Variants in ZNF468 observed in about 807,000 individuals in gnomAD.
ZNF468 encodes the protein zinc finger protein 468.
In ZNF468, 8 loss-of-function variants were observed where a neutral mutation model predicts 7.2. The ratio of observed to expected loss-of-function variants is 1.11; its 90% CI spans 0.65 to 2.01. The LOEUF is 2.01. Ranked by LOEUF, ZNF468 falls within the 30% of genes most tolerant of loss-of-function variation. The pLI is 0.00. For missense variants in ZNF468, 608 were observed against 626.5 expected, an observed-to-expected ratio of 0.97 and a Z score of 0.31; for synonymous variants, 218 against 214.4, an observed-to-expected ratio of 1.02 and a Z score of -0.15.
intron 1 of ZNF468, among the ~76,000 whole-genome samples, chr19:52,856,627 C>CT (rs1490167662): frequency 7.3e-6 from 1 of 137,574 alleles, no homozygotes; most frequent in Non-Finnish European, 1.6e-5. Flanking sequence ...CTGTCTGACC[C>CT]GGCTCCACAT....
intron 3 of ZNF468, among the ~76,000 whole-genome samples, chr19:52,848,202 T>C (rs1284863221): frequency 7.2e-5 from 11 of 152,170 alleles, no homozygotes; most frequent in Non-Finnish European, 1.0e-4. Context: ...TTCCCACCCA[T>C]CTGGATTTTT....
intron 3 of ZNF468, among the ~76,000 whole-genome samples, chr19:52,847,091 A>G (rs1287966575): frequency 2.0e-5 from 3 of 152,118 alleles, no homozygotes; most frequent in African/African-American, 7.2e-5. Context: ...TACTGTGTCT[A>G]TGTAGAAAAG....
chr19:52,853,479 A>G (rs1237981641), intron 2 of ZNF468, among the ~76,000 whole-genome samples: 3 of 152,150 alleles, frequency 2.0e-5, no homozygotes, highest in Admixed American at 2.0e-4. Context: ...ACCTGAGGTT[A>G]GGAGGTTGAG....
rs1293710051 is a variant in ZNF468 at position 52,849,155 on chromosome 19, A to C, written c.74T>G (p.Leu25Arg). ...GTATAAAGTCCTCTGAGCAGGGTCCAGGCATTTCCACTCCTCCTGAGAGAA... is the reference window on the plus strand; with the variant it reads ...GTATAAAGTCCTCTGAGCAGGGTCCCGGCATTTCCACTCCTCCTGAGAGAA... ...IEFSQEEWKC[L>R]DPAQRTLYRD... Residue 25 changes from leucine (L) to arginine (R), a missense_variant, in exon 3 of 4, where the codon CTG (leucine) becomes CGG (arginine). By Grantham distance (102) the Leu-to-Arg change is moderately radical (BLOSUM62 -2). Coordinates refer to ENST00000595646, the MANE Select transcript of ZNF468 (RefSeq NM_001008801.2). 6.2e-7 allele frequency: 1 copy of C among 1,614,016 alleles called. No individual in the cohort carries two copies. Among genetic ancestry groups the C allele is most frequent in the South Asian group, 1.1e-5 (1 of 91,068 alleles).
chr19:52,857,385 C>T (rs1472473865), intron 1 of ZNF468, among the ~76,000 whole-genome samples, 187 bp downstream of exon 1: 4 of 152,228 alleles, frequency 2.6e-5, no homozygotes, highest in African/African-American at 9.6e-5. Context: ...CGGGACGGGA[C>T]CAGCCTCAGG....
At position 52,841,721 on chromosome 19, in the gene ZNF468, C is replaced by T. The variant is rs746843924; in HGVS notation, c.573G>A (p.Lys191=). Residue 191 remains lysine (K), a synonymous_variant, in exon 4 of 4, where the codon AAG becomes AAA. Coordinates refer to ENST00000595646, the MANE Select transcript of ZNF468 (RefSeq NM_001008801.2). ...AAGAATGGAGGGAATTATTTCCATA[C>T]TTATTAGAAATATGGGTTTTGGGCC... is the stretch of plus-strand genomic sequence containing the variant. ...CCRPKTHISN[K]YGNNSLHSSL... 6 of 1,613,910 alleles carry T rather than the reference C, an allele frequency of 3.7e-6. No individual in the cohort carries two copies. In the Admixed American group the frequency reaches 6.7e-5, roughly 18 times the overall value.
chr19:52,853,053 C>T (rs1056308574), intron 2 of ZNF468, among the ~76,000 whole-genome samples: 1 of 151,944 alleles, frequency 6.6e-6, no homozygotes, highest in African/African-American at 2.4e-5. Context: ...GACAGGGTTT[C>T]ACCATGTTAG....
chr19:52,843,941 G>A (rs903367765), intron 3 of ZNF468, among the ~76,000 whole-genome samples: 3 of 151,996 alleles, frequency 2.0e-5, no homozygotes, highest in South Asian at 4.1e-4. Flanking sequence ...ACAACATGGC[G>A]ACACACCATC....
At chr19:52,853,946 TG>T in intron 2 of ZNF468, 1 of 1,398,962 alleles carries the variant, frequency 7.1e-7, no homozygotes, top group Non-Finnish European at 9.3e-7. Context: ...GAGCTGACAG[TG>T]CATCCAGATG....
intron 2 of ZNF468, among the ~76,000 whole-genome samples, chr19:52,853,653 T>C (rs1474295416): frequency 6.6e-6 from 1 of 151,960 alleles, no homozygotes; most frequent in Non-Finnish European, 1.5e-5. Context: ...ATCGCGCCAT[T>C]GCACTCCAGC....
Position 52,840,996 on chromosome 19 carries a change from T to C in ZNF468, c.1298A>G (p.His433Arg). Reference sequence around the variant, plus strand: ...ACATTTGTATGGTTTCTCTCCAGTATGAATCCTCCTGTGTCTTTCCAGGTT... The same window carrying C: ...ACATTTGTATGGTTTCTCTCCAGTACGAATCCTCCTGTGTCTTTCCAGGTT... ...KSNLERHRRI[H>R]TGEKPYKCKV... Residue 433 changes from histidine (H) to arginine (R), a missense_variant, in exon 4 of 4, where the codon CAT (histidine) becomes CGT (arginine). Coordinates refer to ENST00000595646, the MANE Select transcript of ZNF468 (RefSeq NM_001008801.2). 1 of 1,614,046 alleles carries C rather than the reference T, an allele frequency of 6.2e-7. No homozygotes were observed. The highest frequency in any genetic ancestry group is 8.5e-7 in the Non-Finnish European group (1 of 1,179,956).
chr19:52,856,769 ATCTTT>A, intron 1 of ZNF468, among the ~76,000 whole-genome samples: 1 of 150,712 alleles, frequency 6.6e-6, no homozygotes, highest in Admixed American at 6.6e-5. Flanking sequence ...CTGCTTTCTT[ATCTTT>A]TATCACTTTT....
intron 2 of ZNF468, 190 bp from the exon 3 acceptor site, chr19:52,849,403 G>A: frequency 1.8e-6 from 2 of 1,124,588 alleles, no homozygotes; most frequent in East Asian, 2.7e-5. Flanking sequence ...GTATTATCAA[G>A]ACATACTCTC....
At chr19:52,854,092 T>C in intron 2 of ZNF468, 166 bp downstream of exon 2, 1 of 1,537,886 alleles carries the variant, frequency 6.5e-7, no homozygotes, top group South Asian at 1.2e-5. Flanking sequence ...TGACACTGGG[T>C]CACGAGAGAC....
At chr19:52,852,226 C>A (rs1356150853) in intron 2 of ZNF468, among the ~76,000 whole-genome samples, 3 of 151,904 alleles carry the variant, frequency 2.0e-5, no homozygotes, top group Admixed American at 2.0e-4. Flanking sequence ...ATTAGCCAGG[C>A]ATGGTGGCTG....
chr19:52,847,971 T>G (rs548866171), intron 3 of ZNF468, among the ~76,000 whole-genome samples: 3 of 152,338 alleles, frequency 2.0e-5, no homozygotes, highest in East Asian at 1.9e-4. Context: ...TCTCTGTGTC[T>G]TATTTCTTTT....
intron 3 of ZNF468, among the ~76,000 whole-genome samples, chr19:52,848,116 T>C (rs2063355290): frequency 6.6e-6 from 1 of 152,220 alleles, no homozygotes; most frequent in South Asian, 2.1e-4. Flanking sequence ...TTGCAGAGTT[T>C]CCTCACACAC....
At position 52,839,717 on chromosome 19, in the gene ZNF468, T is replaced by C. The variant is rs2063278304; in HGVS notation, c.*1008A>G. Reference sequence around the variant, plus strand: ...CATCACACTTGTGAGGTTTCTCTCCTGTATGAATCCTCCTATGTTTTGCAT... The same window carrying C: ...CATCACACTTGTGAGGTTTCTCTCCCGTATGAATCCTCCTATGTTTTGCAT... On this transcript the variant is annotated 3_prime_UTR_variant, in exon 4 of 4. Transcript: ENST00000595646. The C allele has an allele frequency of 1.9e-6, 1 of 528,808 alleles. No homozygotes were observed. Among genetic ancestry groups the C allele is most frequent in the Admixed American group, 2.1e-5 (1 of 47,538 alleles). The allele number at this position is 528,808 out of a possible 1,614,324, so 32.8% of individuals were successfully genotyped here.
intron 2 of ZNF468, among the ~76,000 whole-genome samples, chr19:52,850,238 G>A (rs948004852): frequency 7.9e-5 from 12 of 152,092 alleles, no homozygotes; most frequent in African/African-American, 2.9e-4. Flanking sequence ...GTTGTGGGCA[G>A]GGGGAATCTT....
Sources: gnomAD v4.1 joint callset for allele counts (sites outside exome capture counted in the v4.1 genomes callset) on GRCh38, gnomAD v4.1.1 for gene constraint, MANE v1.5 for transcripts, NCBI Gene and HGNC (gene_info 2026-07-23, HGNC 2026-07-21) for gene names.